Variants in NETO1 observed in about 807,000 individuals in gnomAD.
NETO1 encodes neuropilin and tolloid-like protein 1.
A neutral mutation model predicts 61.3 loss-of-function variants in NETO1; 26 were observed. That is an observed-to-expected ratio of 0.42 (90% CI 0.31 to 0.59). The LOEUF (loss-of-function observed/expected upper bound fraction) is 0.59. Ranked by LOEUF, NETO1 falls within the 20% of genes least tolerant of loss-of-function variation. The pLI is 0.12. For missense variants in NETO1, 531 were observed against 662.8 expected, an observed-to-expected ratio of 0.80 and a Z score of 2.18; for synonymous variants, 225 against 225.8, an observed-to-expected ratio of 1.00 and a Z score of 0.03.
intron 7 of NETO1, among the ~76,000 whole-genome samples, chr18:72,761,281 T>C (rs1257570993): frequency 6.6e-6 from 1 of 152,238 alleles, no homozygotes; most frequent in African/African-American, 2.4e-5. Context: ...CTCCTAGTTA[T>C]CTTTGTACCT....
intron 4 of NETO1, among the ~76,000 whole-genome samples, chr18:72,819,677 C>T (rs1415272220): frequency 6.6e-6 from 1 of 151,984 alleles, no homozygotes; most frequent in Non-Finnish European, 1.5e-5. Context: ...AATTCTTCTC[C>T]TGAAATTTGT....
chr18:72,789,376 TA>T (rs1424344350), intron 6 of NETO1, among the ~76,000 whole-genome samples: 1 of 152,162 alleles, frequency 6.6e-6, no homozygotes, highest in African/African-American at 2.4e-5. Flanking sequence ...AATGCCATTT[TA>T]AAACTTGAAC....
At chr18:72,848,871 C>A (rs905992075) in intron 4 of NETO1, among the ~76,000 whole-genome samples, 1 of 152,174 alleles carries the variant, frequency 6.6e-6, no homozygotes, top group South Asian at 2.1e-4. Context: ...AAGATGGCAA[C>A]CTTTATGCTG....
At chr18:72,829,113 A>T (rs545471416) in intron 4 of NETO1, among the ~76,000 whole-genome samples, 1 of 152,364 alleles carries the variant, frequency 6.6e-6, no homozygotes, top group South Asian at 2.1e-4. Flanking sequence ...AATTATAAAC[A>T]AAAATAATTT....
intron 4 of NETO1, among the ~76,000 whole-genome samples, chr18:72,823,528 C>G (rs1777133512): frequency 6.6e-6 from 1 of 152,038 alleles, no homozygotes; most frequent in Admixed American, 6.5e-5. Flanking sequence ...GCTCGTTCAA[C>G]AAAGGGACAT....
chr18:72,793,156 T>TTA (rs751113210), intron 6 of NETO1, among the ~76,000 whole-genome samples: 27 of 152,086 alleles, frequency 1.8e-4, no homozygotes, highest in Non-Finnish European at 3.4e-4. Context: ...GCTTGCGACT[T>TTA]TATAGAGTCA....
chr18:72,749,158 C>A, intron 9 of NETO1, 70 bp from the exon 10 acceptor site: 1 of 932,506 alleles, frequency 1.1e-6, no homozygotes. Flanking sequence ...CAAATATTTA[C>A]TCAAAAGCAT....
At chr18:72,787,829 A>G (rs2071973168) in intron 6 of NETO1, among the ~76,000 whole-genome samples, 1 of 152,188 alleles carries the variant, frequency 6.6e-6, no homozygotes, top group South Asian at 2.1e-4. Context: ...ATGCTCACAG[A>G]GTTATAGCCC....
intron 4 of NETO1, among the ~76,000 whole-genome samples, chr18:72,800,156 C>T (rs1246424582): frequency 1.3e-5 from 2 of 152,136 alleles, no homozygotes; most frequent in East Asian, 1.9e-4. Flanking sequence ...AAGAAGGCCC[C>T]GGAACTGGGA....
chr18:72,799,321 C>T (rs1397746892), intron 4 of NETO1, among the ~76,000 whole-genome samples: 5 of 152,122 alleles, frequency 3.3e-5, no homozygotes, highest in South Asian at 4.1e-4. Context: ...GTACTGACAA[C>T]GAGTCAACAA....
intron 3 of NETO1, 91 bp downstream of exon 3, chr18:72,864,717 T>C: frequency 6.6e-7 from 1 of 1,505,446 alleles, no homozygotes; most frequent in Non-Finnish European, 9.1e-7. Context: ...ATCAATTTTG[T>C]AATGCCTATA....
intron 4 of NETO1, among the ~76,000 whole-genome samples, chr18:72,812,729 T>G (rs1599052154): frequency 6.6e-6 from 1 of 152,306 alleles, no homozygotes; most frequent in Non-Finnish European, 1.5e-5. Flanking sequence ...TGCTGCCAAC[T>G]TCTTCCGAAA....
chr18:72,810,096 T>C (rs761193067), intron 4 of NETO1, among the ~76,000 whole-genome samples: 1 of 152,232 alleles, frequency 6.6e-6, no homozygotes, highest in African/African-American at 2.4e-5. Flanking sequence ...TGTACAACTA[T>C]CTGAGAGCTT....
At chr18:72,842,625 G>T (rs1319539200) in intron 4 of NETO1, among the ~76,000 whole-genome samples, 1 of 152,124 alleles carries the variant, frequency 6.6e-6, no homozygotes, top group African/African-American at 2.4e-5. Context: ...GAATCACAAA[G>T]ATTGAACAAA....
chr18:72,792,519 T>C (rs1406670887), intron 6 of NETO1, among the ~76,000 whole-genome samples: 4 of 151,758 alleles, frequency 2.6e-5, no homozygotes, highest in Non-Finnish European at 5.9e-5. Context: ...CATCTCTCTC[T>C]AGTATTTCCC....
At position 72,783,760 on chromosome 18, in the gene NETO1, C is replaced by G. The variant is rs749727708; in HGVS notation, c.786G>C (p.Thr262=). ...STVANDVMLR[T]GLGVIRMWAD... ...CCCACATGCGGATCACCCCAAGACC[C>G]GTGCGTAGCATGACATCATTAGCCA... The change falls in exon 7 of 11, where the codon ACG becomes ACC. Residue 262 remains threonine (T), a synonymous_variant. Coordinates refer to ENST00000327305, the MANE Select transcript of NETO1 (RefSeq NM_138966.5). 6.2e-7 allele frequency: 1 copy of G among 1,614,162 alleles called. No individual in the cohort carries two copies. The highest frequency in any genetic ancestry group is 8.5e-7 in the Non-Finnish European group (1 of 1,180,024).
At chr18:72,792,963 G>A (rs1463627637) in intron 6 of NETO1, among the ~76,000 whole-genome samples, 1 of 152,030 alleles carries the variant, frequency 6.6e-6, no homozygotes, top group Non-Finnish European at 1.5e-5. Flanking sequence ...GCAGCTGTAC[G>A]ATTCTACCAT....
In NETO1 at chr18:72,831,071, G is replaced by A. The variant is rs187350857; in HGVS notation, c.469+27755C>T. Among the ~76,000 whole-genome samples, 264 of 152,036 alleles carry A rather than the reference G, an allele frequency of 1.7e-3. 2 individuals are homozygous for A. The highest frequency in any genetic ancestry group is 6.2e-4 in the Non-Finnish European group (42 of 67,968). On this transcript the variant is annotated intron_variant, in intron 4 of 10. Transcript: ENST00000327305. ...CCTGATACTTCACTGTGCTCTTCTGGCCAGCCATTTCAGTATTTATTTCTG... is the reference window on the plus strand; with the variant it reads ...CCTGATACTTCACTGTGCTCTTCTGACCAGCCATTTCAGTATTTATTTCTG...
At chr18:72,753,534 A>C (rs995260227) in intron 8 of NETO1, among the ~76,000 whole-genome samples, 2 of 152,242 alleles carry the variant, frequency 1.3e-5, no homozygotes, top group Non-Finnish European at 2.9e-5. Context: ...CCTTAAAATA[A>C]ATATGGAAGA....
Sources: allele counts gnomAD v4.1 joint callset (sites outside exome capture counted in the v4.1 genomes callset), GRCh38; gene constraint gnomAD v4.1.1; transcripts MANE v1.5; gene names NCBI Gene and HGNC (gene_info 2026-07-23, HGNC 2026-07-21).